Variants in FER1L6 observed in about 807,000 individuals in gnomAD.
The protein encoded by FER1L6 is fer-1 like family member 6.
Under a neutral mutation model 219.2 loss-of-function variants are expected in FER1L6, and 177 were observed. The observed-to-expected ratio is 0.81, with a 90% CI of 0.71 to 0.91. The LOEUF (loss-of-function observed/expected upper bound fraction) is 0.91. Ranked by LOEUF, FER1L6 falls within the 40% of genes least tolerant of loss-of-function variation. The probability of loss-of-function intolerance (pLI) is 0.00; values close to 1 mark genes in which losing one functional copy is unlikely to be tolerated. For missense variants in FER1L6, 2,153 were observed against 2,259.9 expected, an observed-to-expected ratio of 0.95 and a Z score of 0.96; for synonymous variants, 768 against 824.3, an observed-to-expected ratio of 0.93 and a Z score of 1.17.
At chr8:123,993,242 A>C (rs960945039) in intron 12 of FER1L6, among the ~76,000 whole-genome samples, 1 of 151,920 alleles carries the variant, frequency 6.6e-6, no homozygotes, top group Non-Finnish European at 1.5e-5. Context: ...GGAGATCGAG[A>C]CCATCCCGGC....
intron 1 of FER1L6, among the ~76,000 whole-genome samples, chr8:123,929,002 G>A (rs1015464463): frequency 1.3e-5 from 2 of 152,196 alleles, no homozygotes; most frequent in African/African-American, 2.4e-5. Flanking sequence ...TCACCAGTGT[G>A]AATCCGTGAG....
chr8:123,970,196 A>C, intron 6 of FER1L6, 99 bp downstream of exon 6: 2 of 1,071,622 alleles, frequency 1.9e-6, no homozygotes, highest in African/African-American at 1.6e-5. Flanking sequence ...CGGGGAATAG[A>C]TTCAGGAGGG....
At chr8:123,997,628 T>C (rs1440605310) in intron 12 of FER1L6, among the ~76,000 whole-genome samples, 1 of 152,166 alleles carries the variant, frequency 6.6e-6, no homozygotes, top group Admixed American at 6.5e-5. Flanking sequence ...CTACCTCCTC[T>C]TTGAGGCCAA....
At chr8:124,104,405 C>A (rs1822676699) in intron 39 of FER1L6, among the ~76,000 whole-genome samples, 1 of 152,142 alleles carries the variant, frequency 6.6e-6, no homozygotes, top group African/African-American at 2.4e-5. Flanking sequence ...GTGGAATAAC[C>A]AAGGTGTGAA....
At chr8:123,884,195 C>T (rs77857200) in intron 1 of FER1L6, among the ~76,000 whole-genome samples, 2,242 of 152,286 alleles carry the variant, frequency 0.015, 45 homozygotes, top group African/African-American at 0.047. Flanking sequence ...GTGTGCTGCC[C>T]CAGAGTTGAG....
rs149869151 is a variant in FER1L6 at position 123,998,876 on chromosome 8, T to C, written c.1520-4291T>C. Among the ~76,000 whole-genome samples the C allele has an allele frequency of 6.5e-3, 996 of 152,158 alleles. 9 individuals carry two copies. Among genetic ancestry groups the C allele is most frequent in the Non-Finnish European group, 0.01 (705 of 67,984 alleles). On this transcript the variant is annotated intron_variant, in intron 12 of 40. Coordinates refer to ENST00000522917, the MANE Select transcript of FER1L6 (RefSeq NM_001039112.2). ...CCCACAGCAAGTACTGCCTGGCGAT[T>C]AGCAATGTTCACTCAAGGCCCAAGG...
chr8:124,051,877 T>C (rs888601135), intron 22 of FER1L6, among the ~76,000 whole-genome samples: 1 of 152,088 alleles, frequency 6.6e-6, no homozygotes, highest in African/African-American at 2.4e-5. Context: ...TTTTGCTCCA[T>C]GTAAGGGAGA....
chr8:124,022,922 T>TA (rs576499007), intron 17 of FER1L6, among the ~76,000 whole-genome samples: 338 of 28,378 alleles, frequency 0.012, 1 homozygote, highest in African/African-American at 0.056. Context: ...TTTATTTATT[T>TA]TTTTTTTTGA....
At position 124,045,916 on chromosome 8, in the gene FER1L6, G is replaced by A; in HGVS notation, c.2724+15G>A. ...GCGACGCTGTGGTGAGTGTCCCCCT[G>A]GGCCAGTGCTGACCACACCTCATAA... On this transcript the variant is annotated intron_variant, in intron 21 of 40. Transcript: ENST00000522917. The A allele has an allele frequency of 6.2e-7, 1 of 1,613,114 alleles. No individual in the cohort carries two copies. Among genetic ancestry groups the A allele is most frequent in the Admixed American group, 1.7e-5 (1 of 59,996 alleles).
At chr8:124,095,078 G>A in intron 35 of FER1L6, 40 bp downstream of exon 35, 1 of 1,611,786 alleles carries the variant, frequency 6.2e-7, no homozygotes, top group East Asian at 2.2e-5. Context: ...AGTTAATCTT[G>A]TGTACTGTAG....
intron 37 of FER1L6, among the ~76,000 whole-genome samples, chr8:124,099,640 T>C (rs1822467251): frequency 6.6e-6 from 1 of 152,224 alleles, no homozygotes; most frequent in Non-Finnish European, 1.5e-5. Context: ...TTGCTCTCTA[T>C]GTTTAAACAT....
intron 1 of FER1L6, among the ~76,000 whole-genome samples, chr8:123,854,660 T>C (rs1281599584): frequency 6.6e-6 from 1 of 152,120 alleles, no homozygotes; most frequent in East Asian, 1.9e-4. Context: ...GCCCTTCTCA[T>C]TTTGTCTAAG....
At chr8:123,855,904 AATTAT>A (rs1382395934) in intron 1 of FER1L6, among the ~76,000 whole-genome samples, 4 of 147,450 alleles carry the variant, frequency 2.7e-5, no homozygotes, top group Admixed American at 6.8e-5. Flanking sequence ...TATTATTACT[AATTAT>A]ATTAGTATAT....
At chr8:123,905,080 C>A (rs1165472566) in intron 1 of FER1L6, among the ~76,000 whole-genome samples, 3 of 152,138 alleles carry the variant, frequency 2.0e-5, no homozygotes, top group Non-Finnish European at 2.9e-5. Context: ...TTCAATCCCA[C>A]TTAAATTTTT....
rs555552721 is a variant in FER1L6 at position 124,017,765 on chromosome 8, C to A, written c.2013+47C>A. ...CTTTGTGGACAGAGTTAAAAATAAACCTCACGGATGAGGCATAGGTCACAG... is the reference window on the plus strand; with the variant it reads ...CTTTGTGGACAGAGTTAAAAATAAAACTCACGGATGAGGCATAGGTCACAG... On this transcript the variant is annotated intron_variant, in intron 16 of 40. Transcript: ENST00000522917. 1.1e-4 allele frequency: 172 copies of A among 1,504,888 alleles called. 1 individual carries two copies. The South Asian group carries it at 1.4e-3, about 12-fold the overall frequency. 93.2% of individuals were successfully genotyped at this position (1,504,888 alleles called of 1,614,324 possible). A position where few individuals can be genotyped will look rare whatever the true frequency, so the allele number is the denominator to read the frequency against.
At chr8:123,888,270 C>T (rs1049483922) in intron 1 of FER1L6, among the ~76,000 whole-genome samples, 3 of 152,044 alleles carry the variant, frequency 2.0e-5, no homozygotes, top group Non-Finnish European at 4.4e-5. Flanking sequence ...GTGCATACCA[C>T]CACACCTGGC....
At chr8:123,865,266 G>T (rs1388447971) in intron 1 of FER1L6, among the ~76,000 whole-genome samples, 11 of 150,008 alleles carry the variant, frequency 7.3e-5, no homozygotes, top group African/African-American at 2.5e-4. Context: ...TGCCCCTGCT[G>T]GGGGGTGCCT....
intron 33 of FER1L6, among the ~76,000 whole-genome samples, chr8:124,089,195 T>C (rs1821913503): frequency 6.6e-6 from 1 of 152,214 alleles, no homozygotes; most frequent in African/African-American, 2.4e-5. Context: ...GATGGACAAT[T>C]TGCCTGTAGC....
At chr8:124,088,002 C>G (rs913103617) in intron 33 of FER1L6, among the ~76,000 whole-genome samples, 1 of 152,196 alleles carries the variant, frequency 6.6e-6, no homozygotes, top group Admixed American at 6.5e-5. Context: ...CATGTGGCCA[C>G]AAACACAGCA....
Sources: allele counts gnomAD v4.1 joint callset (sites outside exome capture counted in the v4.1 genomes callset), GRCh38; gene constraint gnomAD v4.1.1; transcripts MANE v1.5; gene names NCBI Gene and HGNC (gene_info 2026-07-23, HGNC 2026-07-21).